Variants in DAB2IP observed in about 807,000 individuals in gnomAD.
DAB2IP encodes DAB2 interacting protein.
DAB2IP carries 28 observed loss-of-function variants against 107.2 expected under a neutral mutation model. The observed-to-expected ratio is 0.26, with a 90% CI of 0.19 to 0.36. The LOEUF (loss-of-function observed/expected upper bound fraction) is 0.36, where lower values mean the gene tolerates loss of function less well. Among genes scored for constraint, DAB2IP ranks in the 10% least tolerant of loss-of-function variants. The pLI is 1.00. For synonymous variants in DAB2IP, 755 were observed against 706.4 expected, an observed-to-expected ratio of 1.07 and a Z score of -1.09; for missense variants, 1,400 against 1,644.7, an observed-to-expected ratio of 0.85 and a Z score of 2.57.
At chr9:121,778,862 CTATT>C (rs1299971113) in intron 14 of DAB2IP, among the ~76,000 whole-genome samples, 2 of 115,170 alleles carry the variant, frequency 1.7e-5, no homozygotes. Context: ...TTTTCCCTGG[CTATT>C]TATAAGATAC....
In DAB2IP at chr9:121,595,211, G is replaced by A. The variant is rs7025593; in HGVS notation, c.40+27983G>A. On this transcript the variant is annotated intron_variant, in intron 1 of 16. Coordinates refer to the DAB2IP transcript ENST00000259371. ...AGTTCAGAGTAGGACTGGGTTTTAT[G>A]TGGCCTCCCACCATGACTCTCTGCA... Among the ~76,000 whole-genome samples the A allele has an allele frequency of 4.4e-3, 667 of 151,942 alleles. 6 individuals are homozygous for A. The highest frequency in any genetic ancestry group is 0.015 in the African/African-American group (639 of 41,418).
At chr9:121,705,706 A>G (rs1830026638) in intron 3 of DAB2IP, among the ~76,000 whole-genome samples, 1 of 152,106 alleles carries the variant, frequency 6.6e-6, no homozygotes. Flanking sequence ...CTTCCCAGAG[A>G]GCAACTCTTT....
chr9:121,721,040 T>A (rs1481058532), intron 3 of DAB2IP, among the ~76,000 whole-genome samples: 1 of 152,188 alleles, frequency 6.6e-6, no homozygotes, highest in East Asian at 1.9e-4. Context: ...TGCTGCCAAA[T>A]TTCTCCTTTT....
Position 121,772,891 on chromosome 9 carries a change from G to C in DAB2IP, c.2363G>C (p.Arg788Pro), listed in dbSNP as rs576576520. ...CAGCTGGTGGCCGGGTGGCCGGCCCGGGCAACCCCAGTGAACCTGGCAGGG... is the reference window on the plus strand; with the variant it reads ...CAGCTGGTGGCCGGGTGGCCGGCCCCGGCAACCCCAGTGAACCTGGCAGGG... Residue 788 changes from arginine (R) to proline (P), a missense_variant, in exon 12 of 16, where the codon CGG becomes CCG. By Grantham distance (103) the Arg-to-Pro change is moderately radical (BLOSUM62 -2). Around this residue, in one of 3 missense-constraint regions of DAB2IP, gnomAD observed 600 missense variants for 659.1 expected, o/e 0.91. Coordinates refer to ENST00000408936, the Ensembl canonical transcript of DAB2IP. This position sits in a 1 kb window ranked among gnomAD's most constrained non-coding sequence, Gnocchi z 4.7. The C allele has an allele frequency of 1.3e-6, 2 of 1,576,790 alleles. No homozygotes were observed. The highest frequency in any genetic ancestry group is 8.6e-7 in the Non-Finnish European group (1 of 1,165,204).
intron 3 of DAB2IP, among the ~76,000 whole-genome samples, chr9:121,723,744 C>G (rs909613271): frequency 2.6e-5 from 4 of 152,184 alleles, no homozygotes; most frequent in Non-Finnish European, 5.9e-5. Context: ...AGACACAGAG[C>G]TGGTTGAGGA....
intron 3 of DAB2IP, chr9:121,743,009 TG>T: frequency 1.0e-6 from 1 of 984,784 alleles, no homozygotes; most frequent in Non-Finnish European, 1.2e-6. Context: ...GTGGTCCAGG[TG>T]GGATGGAGCA....
chr9:121,613,307 C>T (rs1175197881), intron 1 of DAB2IP, among the ~76,000 whole-genome samples: 1 of 152,214 alleles, frequency 6.6e-6, no homozygotes, highest in Non-Finnish European at 1.5e-5. Context: ...CTGCCCTTGC[C>T]TCTTGCCTTC....
chr9:121,649,165 G>A (rs140005070), upstream of DAB2IP, among the ~76,000 whole-genome samples: 5 of 152,202 alleles, frequency 3.3e-5, no homozygotes, highest in Non-Finnish European at 5.9e-5. Flanking sequence ...GCTGGTTGGC[G>A]ATGCCCATTC....
Position 121,575,061 on chromosome 9 carries a change from C to T in DAB2IP, c.40+7833C>T, listed in dbSNP as rs541551302. The T allele has an allele frequency of 6.3e-4, 96 of 152,522 alleles. 1 individual carries two copies. The highest frequency in any genetic ancestry group is 1.9e-3 in the African/African-American group (79 of 41,414). 9.4% of individuals were successfully genotyped at this position (152,522 alleles called of 1,614,324 possible). ...GGGAGCCCCTGTGCCTGGAGCAGGG[C>T]GGGGAAGAGCCAGGATAAAGCTCAA... On this transcript the variant is annotated intron_variant, in intron 1 of 16. Transcript: ENST00000259371.
At chr9:121,570,791 G>T (rs2777299) in intron 1 of DAB2IP, among the ~76,000 whole-genome samples, 42,589 of 151,320 alleles carry the variant, frequency 0.28, 6,477 homozygotes, top group African/African-American at 0.32. Context: ...CTCTCAATCT[G>T]CCCGCCTCGG....
intron 3 of DAB2IP, among the ~76,000 whole-genome samples, chr9:121,741,842 G>A (rs1169605312): frequency 3.3e-5 from 5 of 150,506 alleles, no homozygotes; most frequent in South Asian, 2.2e-4. Flanking sequence ...GTATCCTCTC[G>A]GCAATCCTAT....
intron 1 of DAB2IP, among the ~76,000 whole-genome samples, chr9:121,666,867 AACAC>A (rs59290421): frequency 0.029 from 3,706 of 128,578 alleles, 68 homozygotes; most frequent in African/African-American, 0.063. Context: ...CCCCAGCCCC[AACAC>A]ACACACACAC....
At chr9:121,783,999 G>A (rs1382105814) in exon 16 of DAB2IP, 1 of 215,968 alleles carries the variant, frequency 4.6e-6, no homozygotes, top group Non-Finnish European at 9.4e-6. Flanking sequence ...CAGCTGGAAT[G>A]TGCCACAGAG....
chr9:121,618,430 G>A (rs150106643), intron 1 of DAB2IP, among the ~76,000 whole-genome samples: 14 of 151,846 alleles, frequency 9.2e-5, no homozygotes, highest in African/African-American at 2.9e-4. Flanking sequence ...GCACAACCTC[G>A]GCTGACTGCA....
At chr9:121,605,913 T>C (rs975208532) in intron 1 of DAB2IP, among the ~76,000 whole-genome samples, 1 of 152,174 alleles carries the variant, frequency 6.6e-6, no homozygotes, top group African/African-American at 2.4e-5. Context: ...GACATGAACA[T>C]CGAGGAGTCA....
intron 1 of DAB2IP, among the ~76,000 whole-genome samples, chr9:121,606,672 G>T (rs1000019029): frequency 1.3e-5 from 2 of 152,150 alleles, no homozygotes; most frequent in African/African-American, 4.8e-5. Context: ...ACATTCTTGT[G>T]TTGGGATCAT....
chr9:121,779,276 T>TGTGC (rs1344578075), intron 14 of DAB2IP, among the ~76,000 whole-genome samples: 1 of 152,266 alleles, frequency 6.6e-6, no homozygotes, highest in African/African-American at 2.4e-5. Flanking sequence ...TTTACTTCTG[T>TGTGC]TTTCTGAAAC....
chr9:121,779,569 A>C (rs1005956165), intron 14 of DAB2IP, among the ~76,000 whole-genome samples: 2 of 152,076 alleles, frequency 1.3e-5, no homozygotes, highest in African/African-American at 4.8e-5. Context: ...TTTCCTTTTA[A>C]GTTTTGTTAG....
At chr9:121,723,235 C>T (rs1831042390) in intron 3 of DAB2IP, among the ~76,000 whole-genome samples, 1 of 152,208 alleles carries the variant, frequency 6.6e-6, no homozygotes, top group Non-Finnish European at 1.5e-5. Context: ...GCTGCCTCAG[C>T]CAGCAGAGAG....
Sources: allele counts gnomAD v4.1 joint callset (sites outside exome capture counted in the v4.1 genomes callset), GRCh38; gene constraint gnomAD v4.1.1; regional missense constraint gnomAD v4.1.1; non-coding constraint Gnocchi (gnomAD v3.1); transcripts MANE v1.5; gene names NCBI Gene and HGNC (gene_info 2026-07-23, HGNC 2026-07-21).